Variants in EIF2AK2 observed in about 807,000 individuals in gnomAD.
EIF2AK2 encodes interferon-induced, double-stranded RNA-activated protein kinase.
EIF2AK2 carries 40 observed loss-of-function variants against 70.5 expected under a neutral mutation model. The ratio of observed to expected loss-of-function variants is 0.57; its 90% CI spans 0.44 to 0.74. The LOEUF (loss-of-function observed/expected upper bound fraction) is 0.74, where lower values mean the gene tolerates loss of function less well. Among genes scored for constraint, EIF2AK2 ranks in the 30% least tolerant of loss-of-function variants. The probability of loss-of-function intolerance (pLI) is 0.00; values close to 1 mark genes in which losing one functional copy is unlikely to be tolerated. For missense variants in EIF2AK2, 555 were observed against 644.3 expected (o/e 0.86, Z 1.50); for synonymous variants, 198 against 220.9 (o/e 0.90, Z 0.92).
chr2:37,125,825 A>G (rs949294778), intron 11 of EIF2AK2, among the ~76,000 whole-genome samples: 2 of 152,242 alleles, frequency 1.3e-5, no homozygotes, highest in African/African-American at 2.4e-5. Flanking sequence ...TTATACAATA[A>G]CAGACAACCA....
intron 10 of EIF2AK2, among the ~76,000 whole-genome samples, chr2:37,133,442 T>A (rs556093361): frequency 6.6e-6 from 1 of 152,274 alleles, no homozygotes; most frequent in African/African-American, 2.4e-5. Flanking sequence ...GTCAGGAAAC[T>A]GGGTTCTGGT....
chr2:37,111,390 T>C (rs1572998388), intron 14 of EIF2AK2, among the ~76,000 whole-genome samples: 1 of 140,032 alleles, frequency 7.1e-6, no homozygotes, highest in East Asian at 1.9e-4. Context: ...AGATATGGAA[T>C]TTCTTTTCTT....
chr2:37,123,068 T>A (rs1674611505), intron 11 of EIF2AK2, among the ~76,000 whole-genome samples: 1 of 151,860 alleles, frequency 6.6e-6, no homozygotes, highest in African/African-American at 2.4e-5. Context: ...CTTGGGAGGC[T>A]GAGGCAGGAG....
intron 4 of EIF2AK2, among the ~76,000 whole-genome samples, chr2:37,144,108 T>C (rs1675437702): frequency 6.6e-6 from 1 of 152,146 alleles, no homozygotes; most frequent in Non-Finnish European, 1.5e-5. Flanking sequence ...ATGGCTAAAT[T>C]TCATATTTTT....
intron 4 of EIF2AK2, among the ~76,000 whole-genome samples, chr2:37,142,155 G>A (rs1675356411): frequency 6.6e-6 from 1 of 151,850 alleles, no homozygotes; most frequent in Admixed American, 6.6e-5. Context: ...TTTTCAGACA[G>A]GGTGTCACTT....
Position 37,100,974 on chromosome 2 carries a change from T to G in EIF2AK2, c.*6299A>C, listed in dbSNP as rs1193307189. On this transcript the variant is annotated 3_prime_UTR_variant, in exon 17 of 17. Coordinates refer to ENST00000233057, the MANE Select transcript of EIF2AK2 (RefSeq NM_001135651.3). ...GAGACTTGTATTTACTTGAATGGCA[T>G]CAGAATCCTGCTACTAACCTTCTAA... The G allele has an allele frequency of 1.3e-5, 2 of 152,228 alleles. No individual in the cohort carries two copies. The highest frequency in any genetic ancestry group is 2.9e-5 in the Non-Finnish European group (2 of 68,040). The allele number at this position is 152,228 out of a possible 1,614,324, so 9.4% of individuals were successfully genotyped here. A position where few individuals can be genotyped will look rare whatever the true frequency, so the allele number is the denominator to read the frequency against.
chr2:37,138,464 G>C (rs1410750154), intron 7 of EIF2AK2, 45 bp downstream of exon 7: 3 of 1,606,908 alleles, frequency 1.9e-6, no homozygotes, highest in Admixed American at 3.4e-5. Flanking sequence ...CTTTCAGACA[G>C]AAATATGAAT....
rs1159555332 is a variant in EIF2AK2, at chr2:37,130,737, C to T, written c.786-4326G>A. The stretch of plus-strand genomic sequence containing the variant: ...TCTTCCCCCAGGGGTTTAGGGACAG[C>T]CCTCACTATTTCGGTCAGGCACTTT... On this transcript the variant is annotated intron_variant, in intron 10 of 16. Coordinates refer to ENST00000233057, the MANE Select transcript of EIF2AK2 (RefSeq NM_001135651.3). 2.0e-5 allele frequency among the ~76,000 whole-genome samples: 3 copies of T among 152,194 alleles called. 1 individual carries two copies. Among genetic ancestry groups the T allele is most frequent in the East Asian group, 3.9e-4 (2 of 5,192 alleles).
intron 15 of EIF2AK2, 59 bp downstream of exon 15, chr2:37,109,135 C>T: frequency 6.6e-7 from 1 of 1,508,946 alleles, no homozygotes; most frequent in Non-Finnish European, 9.2e-7. Context: ...TGCAGCAGCA[C>T]TCTGAAGGTG....
intron 4 of EIF2AK2, among the ~76,000 whole-genome samples, chr2:37,144,594 T>C (rs1374667954): frequency 6.6e-6 from 1 of 151,914 alleles, no homozygotes; most frequent in East Asian, 1.9e-4. Context: ...TCTTTCTTTT[T>C]TTTTTTTGAG....
intron 6 of EIF2AK2, among the ~76,000 whole-genome samples, chr2:37,138,908 G>A (rs1175300490): frequency 2.6e-5 from 4 of 151,122 alleles, no homozygotes; most frequent in East Asian, 3.9e-4. Flanking sequence ...CAATCCTCCC[G>A]CCTCAGCCTC....
At chr2:37,137,130 A>G (rs950282518) in intron 8 of EIF2AK2, 113 bp from the exon 9 acceptor site, 1 of 811,708 alleles carries the variant, frequency 1.2e-6, no homozygotes, top group Non-Finnish European at 1.9e-6. Flanking sequence ...TTCTTAGTCC[A>G]TCAATGTCTG....
chr2:37,141,419 C>A, intron 5 of EIF2AK2, 134 bp downstream of exon 5: 1 of 1,071,232 alleles, frequency 9.3e-7, no homozygotes, highest in Admixed American at 2.5e-5. Flanking sequence ...AATCCAATTA[C>A]TTATCAATCA....
At chr2:37,138,203 T>A in intron 8 of EIF2AK2, 67 bp downstream of exon 8, 3 of 1,258,198 alleles carry the variant, frequency 2.4e-6, no homozygotes, top group Non-Finnish European at 2.2e-6. Context: ...TACTGGAAGT[T>A]ATTTTTAAAT....
chr2:37,152,213 A>T (rs1473546393), intron 1 of EIF2AK2, among the ~76,000 whole-genome samples: 2 of 152,216 alleles, frequency 1.3e-5, no homozygotes, highest in African/African-American at 4.8e-5. Flanking sequence ...AAAGGCAGAA[A>T]TCAGATCCTG....
chr2:37,130,166 A>T (rs927559933), intron 10 of EIF2AK2, among the ~76,000 whole-genome samples: 3 of 152,088 alleles, frequency 2.0e-5, no homozygotes, highest in Non-Finnish European at 4.4e-5. Context: ...CAATGGCGCA[A>T]TCTTGGCTCA....
At chr2:37,127,105 C>G (rs1172697116) in intron 10 of EIF2AK2, among the ~76,000 whole-genome samples, 5 of 151,746 alleles carry the variant, frequency 3.3e-5, no homozygotes, top group African/African-American at 4.8e-5. Context: ...TGGGCATACG[C>G]TCTAAGCCTG....
chr2:37,143,311 C>G (rs930966742), intron 4 of EIF2AK2, among the ~76,000 whole-genome samples: 3 of 151,292 alleles, frequency 2.0e-5, no homozygotes, highest in South Asian at 2.1e-4. Context: ...GCAGTCAAGT[C>G]TTTCTTTATT....
Position 37,121,238 on chromosome 2 carries a change from G to A in EIF2AK2, c.1068-1099C>T, listed in dbSNP as rs1287164690. ...AGATTGCACCACTGCACTCCAGCCT[G>A]TGCGACAGTGCGAGACACCGTCTCA... On this transcript the variant is annotated intron_variant, in intron 12 of 16. Transcript: ENST00000233057. Among the ~76,000 whole-genome samples the A allele has an allele frequency of 2.5e-5, 3 of 121,482 alleles. 1 individual carries two copies. The highest frequency in any genetic ancestry group is 5.0e-5 in the Non-Finnish European group (3 of 60,476). The allele number at this position is 121,482 out of a possible 152,430, so 79.7% of individuals were successfully genotyped here.
Sources: gnomAD v4.1 joint callset for allele counts (sites outside exome capture counted in the v4.1 genomes callset) on GRCh38, gnomAD v4.1.1 for gene constraint, MANE v1.5 for transcripts, NCBI Gene and HGNC (gene_info 2026-07-23, HGNC 2026-07-21) for gene names.